The following SLC24A2 variants were observed in gnomAD, a reference collection of about 807,000 sequenced individuals.
The protein encoded by SLC24A2 is solute carrier family 24 member 2, also known as sodium/potassium/calcium exchanger 2.
Under a neutral mutation model 62.0 loss-of-function variants are expected in SLC24A2, and 36 were observed. That is an observed-to-expected ratio of 0.58 (90% CI 0.44 to 0.77). The LOEUF is 0.77. Ranked by LOEUF, SLC24A2 falls within the 30% of genes least tolerant of loss-of-function variation. The pLI is 0.00. For missense variants in SLC24A2, 846 were observed against 817.9 expected (o/e 1.03, Z -0.42); for synonymous variants, 358 against 294.0 (o/e 1.22, Z -2.23).
chr9:19,835,377 G>A, the SLC24A2 span, among the ~76,000 whole-genome samples: 1 of 147,022 alleles, frequency 6.8e-6, no homozygotes, highest in African/African-American at 2.4e-5. Flanking sequence ...AGGGATGGAG[G>A]AATATCTACC....
At chr9:20,045,552 C>G in the SLC24A2 span, among the ~76,000 whole-genome samples, 2 of 152,098 alleles carry the variant, frequency 1.3e-5, no homozygotes, top group Non-Finnish European at 2.9e-5. Context: ...CTGCCTCAGC[C>G]TCCTGAGTAG....
intron 2 of SLC24A2, among the ~76,000 whole-genome samples, chr9:19,691,648 T>C (rs1820049691): frequency 6.6e-6 from 1 of 152,174 alleles, no homozygotes; most frequent in Admixed American, 6.6e-5. Flanking sequence ...ATTTCTCTGG[T>C]TAAAAGTACA....
the SLC24A2 span, among the ~76,000 whole-genome samples, chr9:19,984,532 C>T: frequency 3.3e-5 from 5 of 152,016 alleles, no homozygotes; most frequent in Admixed American, 1.3e-4. Context: ...ATGGTGAAAC[C>T]CCAGCTCTAC....
chr9:19,778,483 A>G (rs7864764), intron 2 of SLC24A2, among the ~76,000 whole-genome samples: 67,168 of 152,006 alleles, frequency 0.44, 15,378 homozygotes, highest in Admixed American at 0.53. Context: ...CTGCCTCGCA[A>G]AGGGAGATGG....
chr9:20,244,636 T>C, the SLC24A2 span, among the ~76,000 whole-genome samples: 1 of 152,228 alleles, frequency 6.6e-6, no homozygotes, highest in African/African-American at 2.4e-5. Flanking sequence ...GCATGTGCTT[T>C]TCCCTTAGGT....
chr9:19,803,884 A>G, the SLC24A2 span, among the ~76,000 whole-genome samples: 1 of 152,198 alleles, frequency 6.6e-6, no homozygotes, highest in Non-Finnish European at 1.5e-5. Context: ...CTTAATTGAG[A>G]TATAATTCAT....
chr9:19,990,922 G>GAGATATATATATATATATATATAT, the SLC24A2 span, among the ~76,000 whole-genome samples: 64 of 120,798 alleles, frequency 5.3e-4, no homozygotes, highest in African/African-American at 2.0e-3. Context: ...GGACTAATAG[G>GAGATATATATATATATATATATAT]ATATATATAT....
intron 2 of SLC24A2, among the ~76,000 whole-genome samples, chr9:19,686,604 C>A (rs1279310633): frequency 6.6e-6 from 1 of 152,100 alleles, no homozygotes; most frequent in Non-Finnish European, 1.5e-5. Flanking sequence ...TGAGTTCTCA[C>A]AAGATCTAAT....
the SLC24A2 span, among the ~76,000 whole-genome samples, chr9:20,243,024 C>T: frequency 6.6e-6 from 1 of 152,134 alleles, no homozygotes; most frequent in Non-Finnish European, 1.5e-5. Context: ...AATAACCCAG[C>T]AGTGTTTTAT....
At chr9:19,949,214 G>C in the SLC24A2 span, among the ~76,000 whole-genome samples, 42 of 152,090 alleles carry the variant, frequency 2.8e-4, no homozygotes, top group African/African-American at 9.4e-4. Flanking sequence ...GGATGGTCTT[G>C]AACTCCCGAT....
At chr9:20,189,076 CT>C in the SLC24A2 span, among the ~76,000 whole-genome samples, 160 of 96,466 alleles carry the variant, frequency 1.7e-3, 2 homozygotes, top group South Asian at 2.5e-3. Flanking sequence ...CTTTTTTTTT[CT>C]TTTTTTTTTT....
chr9:19,736,870 C>G (rs1381353661), intron 2 of SLC24A2, among the ~76,000 whole-genome samples: 1 of 151,920 alleles, frequency 6.6e-6, no homozygotes, highest in Non-Finnish European at 1.5e-5. Context: ...TAATCTTATA[C>G]CATGCAAGAG....
At chr9:19,791,230 C>T (rs1489849453), upstream of SLC24A2, among the ~76,000 whole-genome samples, 1 of 152,184 alleles carries the variant, frequency 6.6e-6, no homozygotes, top group African/African-American at 2.4e-5. Flanking sequence ...TTTTGCATTA[C>T]ATCTGTGTTC....
chr9:20,047,060 G>C, the SLC24A2 span, among the ~76,000 whole-genome samples: 1 of 152,006 alleles, frequency 6.6e-6, no homozygotes, highest in Non-Finnish European at 1.5e-5. Context: ...CTAGAGTTTG[G>C]GAAGGAGCCG....
chr9:20,078,139 C>G, the SLC24A2 span, among the ~76,000 whole-genome samples: 2 of 152,080 alleles, frequency 1.3e-5, no homozygotes, highest in East Asian at 1.9e-4. Context: ...TAGGCTGCCC[C>G]TTTTTCTTGG....
the SLC24A2 span, among the ~76,000 whole-genome samples, chr9:20,100,855 C>T: frequency 6.6e-6 from 1 of 152,056 alleles, no homozygotes; most frequent in Non-Finnish European, 1.5e-5. Context: ...ACTACCTGAC[C>T]CCCTGGCCCT....
the SLC24A2 span, among the ~76,000 whole-genome samples, chr9:20,287,898 C>T: frequency 6.6e-6 from 1 of 152,274 alleles, no homozygotes; most frequent in South Asian, 2.1e-4. Context: ...GTTAAATGCA[C>T]ATATGAAGAA....
At chr9:20,063,243 A>C in the SLC24A2 span, among the ~76,000 whole-genome samples, 1 of 151,530 alleles carries the variant, frequency 6.6e-6, no homozygotes. Flanking sequence ...GAACCCACCC[A>C]AATGTCCAAC....
the SLC24A2 span, among the ~76,000 whole-genome samples, chr9:20,176,335 T>C: frequency 2.0e-5 from 3 of 152,208 alleles, no homozygotes; most frequent in Admixed American, 6.5e-5. Context: ...ACATTATAGC[T>C]GTGATTTCAG....
Sources: allele counts gnomAD v4.1 joint callset (sites outside exome capture counted in the v4.1 genomes callset), GRCh38; gene constraint gnomAD v4.1.1; transcripts MANE v1.5; gene names NCBI Gene and HGNC (gene_info 2026-07-23, HGNC 2026-07-21).